The following FAM117B variants were observed in gnomAD, a reference collection of about 807,000 sequenced individuals.
FAM117B encodes the protein protein FAM117B.
FAM117B carries 22 observed loss-of-function variants against 52.8 expected under a neutral mutation model. The ratio of observed to expected loss-of-function variants is 0.42; its 90% CI spans 0.30 to 0.59. FAM117B has a LOEUF of 0.59. Ranked by LOEUF, FAM117B falls within the 20% of genes least tolerant of loss-of-function variation. The pLI is 0.22. For missense variants in FAM117B, 678 were observed against 802.6 expected, an observed-to-expected ratio of 0.84 and a Z score of 1.88; for synonymous variants, 309 against 324.1, an observed-to-expected ratio of 0.95 and a Z score of 0.50.
chr2:202,719,315 ATTTGTTC>A (rs1384466937), intron 2 of FAM117B, among the ~76,000 whole-genome samples: 1 of 152,118 alleles, frequency 6.6e-6, no homozygotes, highest in Non-Finnish European at 1.5e-5. Context: ...ATCATCTTTA[ATTTGTTC>A]TTAATAAATC....
At chr2:202,656,423 C>T (rs1247759210) in intron 1 of FAM117B, among the ~76,000 whole-genome samples, 1 of 152,082 alleles carries the variant, frequency 6.6e-6, no homozygotes, top group Non-Finnish European at 1.5e-5. Context: ...TAATTCAGTT[C>T]CAGGTATTTT....
At chr2:202,725,429 G>A (rs540661461) in intron 3 of FAM117B, among the ~76,000 whole-genome samples, 1 of 151,176 alleles carries the variant, frequency 6.6e-6, no homozygotes, top group Non-Finnish European at 1.5e-5. Flanking sequence ...AGCAATTCTC[G>A]TGCCTCAGCC....
chr2:202,754,131 G>A (rs62194154), intron 4 of FAM117B, among the ~76,000 whole-genome samples: 267 of 152,240 alleles, frequency 1.8e-3, no homozygotes, highest in Admixed American at 4.2e-3. Context: ...CAACTGAAAT[G>A]CCATCAATGA....
At chr2:202,714,928 A>C in intron 2 of FAM117B, among the ~76,000 whole-genome samples, 1 of 152,040 alleles carries the variant, frequency 6.6e-6, no homozygotes, top group East Asian at 1.9e-4. Context: ...TCCCATGTCT[A>C]CTTCTTTCTA....
intron 1 of FAM117B, among the ~76,000 whole-genome samples, chr2:202,654,931 TTA>T (rs144225852): frequency 8.4e-4 from 127 of 150,328 alleles, no homozygotes; most frequent in African/African-American, 2.6e-3. Context: ...GAGTATACGT[TTA>T]TATATATATA....
At position 202,635,525 on chromosome 2, in the gene FAM117B, C is replaced by T. The variant is rs758079604; in HGVS notation, c.338C>T (p.Thr113Met). The T allele has an allele frequency of 1.6e-5, 18 of 1,131,584 alleles. No homozygotes were observed. The highest frequency in any genetic ancestry group is 3.7e-4 in the Middle Eastern group (1 of 2,726). 70.1% of individuals were successfully genotyped at this position (1,131,584 alleles called of 1,614,324 possible). A position where few individuals can be genotyped will look rare whatever the true frequency, so the allele number is the denominator to read the frequency against. Reference protein sequence around the residue: ...ARTSPTVATQTGASATSTRGT... With the variant: ...ARTSPTVATQMGASATSTRGT... The stretch of plus-strand genomic sequence containing the variant: ...ACCAGCCCCACGGTGGCCACGCAGA[C>T]GGGCGCGTCCGCGACGTCCACGCGA... The change falls in exon 1 of 8, where the codon ACG (threonine) becomes ATG (methionine). Residue 113 changes from threonine (T) to methionine (M), a missense_variant. Physicochemically the swap from Thr to Met is moderately conservative, Grantham distance 81 (BLOSUM62 -1). Around this residue, in one of 3 missense-constraint regions of FAM117B, gnomAD observed 583 missense variants for 644.8 expected, o/e 0.90. Coordinates refer to ENST00000392238, the MANE Select transcript of FAM117B (RefSeq NM_173511.4).
chr2:202,707,702 G>T (rs1157210481), intron 2 of FAM117B, among the ~76,000 whole-genome samples: 4 of 151,830 alleles, frequency 2.6e-5, no homozygotes, highest in Non-Finnish European at 4.4e-5. Context: ...GTGAGACTCT[G>T]TCTCAAAAGT....
chr2:202,648,338 C>T (rs1031050499), intron 1 of FAM117B, among the ~76,000 whole-genome samples: 4 of 151,966 alleles, frequency 2.6e-5, no homozygotes, highest in African/African-American at 7.3e-5. Flanking sequence ...GGTGAAACCC[C>T]GTCTCTACTA....
intron 1 of FAM117B, among the ~76,000 whole-genome samples, chr2:202,666,305 T>C (rs2105763402): frequency 6.6e-6 from 1 of 152,190 alleles, no homozygotes; most frequent in Non-Finnish European, 1.5e-5. Context: ...AGTTTACCTA[T>C]GGTTTTCAGA....
chr2:202,709,060 A>T (rs1407881274), intron 2 of FAM117B, among the ~76,000 whole-genome samples: 2 of 152,144 alleles, frequency 1.3e-5, no homozygotes, highest in Non-Finnish European at 2.9e-5. Flanking sequence ...GCGAGATGAT[A>T]CTTCATTGTA....
intron 4 of FAM117B, among the ~76,000 whole-genome samples, chr2:202,729,022 A>C (rs1691299629): frequency 1.3e-5 from 2 of 152,282 alleles, no homozygotes; most frequent in Non-Finnish European, 2.9e-5. Context: ...GATAGTAATG[A>C]CAGTAGTACT....
chr2:202,744,447 C>T (rs917053756), intron 4 of FAM117B, among the ~76,000 whole-genome samples: 3 of 152,150 alleles, frequency 2.0e-5, no homozygotes, highest in Non-Finnish European at 2.9e-5. Flanking sequence ...GAGAAATCTG[C>T]CTCCATGTCC....
intron 2 of FAM117B, among the ~76,000 whole-genome samples, chr2:202,708,818 G>A (rs1690916297): frequency 6.6e-6 from 1 of 152,122 alleles, no homozygotes; most frequent in South Asian, 2.1e-4. Flanking sequence ...TGCCCAGGCT[G>A]ATCATGAACT....
chr2:202,698,080 A>G (rs1690740559), intron 2 of FAM117B, among the ~76,000 whole-genome samples: 1 of 152,048 alleles, frequency 6.6e-6, no homozygotes, highest in South Asian at 2.1e-4. Flanking sequence ...TGTGTTGGCC[A>G]TGCTTATCTC....
chr2:202,767,478 A>G lies in FAM117B; in HGVS notation c.*1714A>G, dbSNP rs1328979101. ...CCCATCCAGGAGCAGCTCTTTTTTT[A>G]AAAGTGAGTTTCAGCAAACAGTATT... is the stretch of plus-strand genomic sequence containing the variant. On this transcript the variant is annotated 3_prime_UTR_variant, in exon 8 of 8. Transcript: ENST00000392238. 1 of 152,172 alleles carries G rather than the reference A, an allele frequency of 6.6e-6. No homozygotes were observed. The highest frequency in any genetic ancestry group is 1.5e-5 in the Non-Finnish European group (1 of 68,046). 9.4% of individuals were successfully genotyped at this position (152,172 alleles called of 1,614,324 possible). A position where few individuals can be genotyped will look rare whatever the true frequency, so the allele number is the denominator to read the frequency against.
chr2:202,731,369 GGAGA>G (rs1480289219), intron 4 of FAM117B, among the ~76,000 whole-genome samples: 1 of 30,430 alleles, frequency 3.3e-5, no homozygotes, highest in Non-Finnish European at 7.4e-5. Context: ...ATATATATAT[GGAGA>G]GAGAGAGAAG....
At chr2:202,748,089 C>T (rs1385960785) in intron 4 of FAM117B, among the ~76,000 whole-genome samples, 1 of 152,104 alleles carries the variant, frequency 6.6e-6, no homozygotes, top group Admixed American at 6.5e-5. Flanking sequence ...GTCATCCAAA[C>T]AGCATGGATC....
intron 2 of FAM117B, among the ~76,000 whole-genome samples, chr2:202,702,065 C>T (rs755034280): frequency 2.0e-5 from 3 of 152,122 alleles, no homozygotes; most frequent in East Asian, 1.9e-4. Context: ...GACCTGAGTC[C>T]GTTGATGCAG....
At chr2:202,677,597 A>G (rs1364118285) in intron 1 of FAM117B, among the ~76,000 whole-genome samples, 1 of 152,200 alleles carries the variant, frequency 6.6e-6, no homozygotes, top group Non-Finnish European at 1.5e-5. Flanking sequence ...CTCAGATTCT[A>G]AAGAGATTTG....
Sources: allele counts gnomAD v4.1 joint callset (sites outside exome capture counted in the v4.1 genomes callset), GRCh38; gene constraint gnomAD v4.1.1; regional missense constraint gnomAD v4.1.1; transcripts MANE v1.5; gene names NCBI Gene and HGNC (gene_info 2026-07-23, HGNC 2026-07-21).